Variants in ITPR2 observed in about 807,000 individuals in gnomAD.
ITPR2 encodes the protein inositol 1,4,5-trisphosphate receptor type 2.
Under a neutral mutation model 317.1 loss-of-function variants are expected in ITPR2, and 207 were observed. The observed-to-expected ratio is 0.65, with a 90% CI of 0.58 to 0.73. The LOEUF is 0.73. Among genes scored for constraint, ITPR2 ranks in the 30% least tolerant of loss-of-function variants. The probability of loss-of-function intolerance (pLI) is 0.00; values close to 1 mark genes in which losing one functional copy is unlikely to be tolerated. For missense variants in ITPR2, 2,613 were observed against 3,284.0 expected, an observed-to-expected ratio of 0.80 and a Z score of 4.99; for synonymous variants, 1,156 against 1,149.1, an observed-to-expected ratio of 1.01 and a Z score of -0.12.
intron 2 of ITPR2, among the ~76,000 whole-genome samples, chr12:26,727,941 G>C (rs1948960165): frequency 6.6e-6 from 1 of 152,156 alleles, no homozygotes; most frequent in Admixed American, 6.5e-5. Flanking sequence ...GTTCCAAACA[G>C]AGCCACTGGC....
At chr12:26,621,014 TCAGAA>T in intron 26 of ITPR2, 104 bp downstream of exon 26, 1 of 1,027,108 alleles carries the variant, frequency 9.7e-7, no homozygotes, top group Non-Finnish European at 1.4e-6. Flanking sequence ...GCTCTGTTGC[TCAGAA>T]CAGAATTTTT....
At chr12:26,806,863 A>G (rs561392062) in intron 1 of ITPR2, among the ~76,000 whole-genome samples, 1 of 152,332 alleles carries the variant, frequency 6.6e-6, no homozygotes, top group East Asian at 1.9e-4. Flanking sequence ...TTAATTTATC[A>G]AAATACATGT....
chr12:26,354,438 A>G (rs553277442), intron 55 of ITPR2, among the ~76,000 whole-genome samples: 61 of 152,292 alleles, frequency 4.0e-4, no homozygotes, highest in Non-Finnish European at 6.5e-4. Flanking sequence ...AAAATTACAG[A>G]GTAGCTCAAG....
At chr12:26,758,028 C>A (rs1384728238) in intron 2 of ITPR2, among the ~76,000 whole-genome samples, 1 of 152,186 alleles carries the variant, frequency 6.6e-6, no homozygotes, top group Non-Finnish European at 1.5e-5. Flanking sequence ...AAATTTGATT[C>A]TGAAGTAACT....
intron 1 of ITPR2, among the ~76,000 whole-genome samples, chr12:26,824,642 A>C (rs1198313946): frequency 6.6e-6 from 1 of 152,232 alleles, no homozygotes; most frequent in Non-Finnish European, 1.5e-5. Flanking sequence ...CATTTTAGTT[A>C]ACTTTCCTGG....
rs1441345819 is a variant in ITPR2, at chr12:26,831,334, A to G, written c.92+1356T>C. Among the ~76,000 whole-genome samples the G allele has an allele frequency of 6.6e-6, 1 of 152,204 alleles. No individual in the cohort carries two copies. The highest frequency in any genetic ancestry group is 1.5e-5 in the Non-Finnish European group (1 of 68,040). On this transcript the variant is annotated intron_variant, in intron 1 of 56. Transcript: ENST00000381340. The surrounding 1 kb of genome is among the most constrained non-coding windows in gnomAD (Gnocchi z 4.9). ...ACTCATTAGGGGGAATGCACAAGTA[A>G]CAGGAACTGTGGAAGTACTGGTGAC...
chr12:26,486,256 G>A lies in ITPR2; in HGVS notation c.5659C>T (p.Pro1887Ser). The change falls in exon 41 of 57, where the codon CCA (proline) becomes TCA (serine). Residue 1887 changes from proline to serine, a missense_variant. Physicochemically the swap from Pro to Ser is moderately conservative, Grantham distance 74. Transcript: ENST00000381340. ...AYCVYRREMD[P>S]EIDIMCTGPE... ...CCTGTGCACATAATGTCTATTTCTG[G>A]ATCCATTTCTCTTCTGTATACACAA... 1 of 1,614,068 alleles carries A rather than the reference G, an allele frequency of 6.2e-7. No homozygotes were observed. Among genetic ancestry groups the A allele is most frequent in the Non-Finnish European group, 8.5e-7 (1 of 1,180,010 alleles).
chr12:26,782,504 G>C (rs544471410), intron 2 of ITPR2, among the ~76,000 whole-genome samples: 8 of 152,244 alleles, frequency 5.3e-5, no homozygotes, highest in Admixed American at 2.6e-4. Context: ...AATCAATGTG[G>C]CTTTATACGA....
intron 49 of ITPR2, among the ~76,000 whole-genome samples, chr12:26,421,806 T>C (rs1218239150): frequency 1.3e-5 from 2 of 152,220 alleles, no homozygotes; most frequent in African/African-American, 4.8e-5. Context: ...AACTGTCCTA[T>C]ATATTTTTTT....
intron 52 of ITPR2, chr12:26,406,688 A>C (rs1052526347): frequency 2.0e-5 from 3 of 152,140 alleles, no homozygotes; most frequent in Admixed American, 2.0e-4. Context: ...TTAAAATTTA[A>C]TCCTGGTCTT....
chr12:26,582,396 A>G (rs993636949), intron 32 of ITPR2, among the ~76,000 whole-genome samples: 5 of 152,346 alleles, frequency 3.3e-5, no homozygotes, highest in Admixed American at 2.6e-4. Context: ...TAAAAGTTTT[A>G]ATCCATTTGC....
intron 32 of ITPR2, among the ~76,000 whole-genome samples, chr12:26,591,079 C>CAAAAAAA (rs34387951): frequency 2.5e-4 from 11 of 43,404 alleles, no homozygotes; most frequent in African/African-American, 4.5e-4. Context: ...GACTCCATCT[C>CAAAAAAA]AAAAAAAAAA....
chr12:26,429,741 ATAAC>A (rs1370266247), intron 48 of ITPR2, among the ~76,000 whole-genome samples: 3 of 152,258 alleles, frequency 2.0e-5, no homozygotes, highest in East Asian at 1.9e-4. Context: ...TTTTGAATAA[ATAAC>A]TAAGTCTCCA....
chr12:26,354,761 C>T (rs998565898), intron 55 of ITPR2, among the ~76,000 whole-genome samples: 3 of 152,062 alleles, frequency 2.0e-5, no homozygotes, highest in Non-Finnish European at 4.4e-5. Flanking sequence ...CTCTGCCTCC[C>T]GGGTTCAAGT....
At chr12:26,457,379 G>A (rs948049472) in intron 45 of ITPR2, among the ~76,000 whole-genome samples, 3 of 152,162 alleles carry the variant, frequency 2.0e-5, no homozygotes, top group African/African-American at 7.2e-5. Context: ...AGGGGAGATG[G>A]GGAAGAAGGC....
At chr12:26,743,482 T>G (rs1949270100) in intron 2 of ITPR2, among the ~76,000 whole-genome samples, 1 of 152,234 alleles carries the variant, frequency 6.6e-6, no homozygotes, top group Admixed American at 6.5e-5. Flanking sequence ...AAATATTTTT[T>G]CCATAGCATT....
chr12:26,612,431 C>T (rs750585205), intron 26 of ITPR2, among the ~76,000 whole-genome samples: 2 of 152,168 alleles, frequency 1.3e-5, no homozygotes, highest in Non-Finnish European at 2.9e-5. Flanking sequence ...TGTGTGCTGC[C>T]TGCTACTGGC....
Position 26,356,510 on chromosome 12 carries a change from C to T in ITPR2, c.7858-16182G>A, listed in dbSNP as rs116315221. On this transcript the variant is annotated intron_variant, in intron 55 of 56. Coordinates refer to ENST00000381340, the MANE Select transcript of ITPR2 (RefSeq NM_002223.4). ...TCTGTCTGATCATAATTATAAGATGCGTAGACACAAAAGGCACAAGGTGTT... is the reference window on the plus strand; with the variant it reads ...TCTGTCTGATCATAATTATAAGATGTGTAGACACAAAAGGCACAAGGTGTT... 3.4e-3 allele frequency among the ~76,000 whole-genome samples: 525 copies of T among 152,198 alleles called. 5 individuals are homozygous for T. Among genetic ancestry groups the T allele is most frequent in the African/African-American group, 0.012 (516 of 41,526 alleles).
At chr12:26,543,972 C>G (rs1481048397) in intron 37 of ITPR2, among the ~76,000 whole-genome samples, 1 of 152,076 alleles carries the variant, frequency 6.6e-6, no homozygotes, top group Non-Finnish European at 1.5e-5. Context: ...TTAGTTACAT[C>G]CTTTGTAAAC....
Sources: gnomAD v4.1 joint callset for allele counts (sites outside exome capture counted in the v4.1 genomes callset) on GRCh38, gnomAD v4.1.1 for gene constraint, Gnocchi (gnomAD v3.1) non-coding constraint, MANE v1.5 for transcripts, NCBI Gene and HGNC (gene_info 2026-07-23, HGNC 2026-07-21) for gene names.